The following CASK variants were observed in gnomAD, a reference collection of about 807,000 sequenced individuals.
The protein encoded by CASK is peripheral plasma membrane protein CASK.
In CASK, 4 loss-of-function variants were observed where a neutral mutation model predicts 82.9. The observed-to-expected ratio is 0.05, with a 90% confidence interval of 0.02 to 0.11. The LOEUF (loss-of-function observed/expected upper bound fraction) is 0.11. Ranked by LOEUF, CASK falls within the 10% of genes least tolerant of loss-of-function variation. CASK has a pLI of 1.00. For missense variants in CASK, 358 were observed against 720.9 expected, an observed-to-expected ratio of 0.50 and a Z score of 5.76; for synonymous variants, 259 against 253.5, an observed-to-expected ratio of 1.02 and a Z score of -0.20.
At chrX:41,628,953 G>A (rs771119674) in intron 9 of CASK, among the ~76,000 whole-genome samples, 4 of 111,830 alleles carry the variant, frequency 3.6e-5, no homozygotes, top group African/African-American at 9.7e-5. Context: ...AAGTACAACT[G>A]TATTTCTTAA....
intron 8 of CASK, among the ~76,000 whole-genome samples, chrX:41,654,893 T>C (rs748218637): frequency 1.8e-5 from 2 of 110,363 alleles, no homozygotes; most frequent in African/African-American, 3.3e-5. Context: ...GACCAACAGT[T>C]ACTTGGGGTA....
chrX:41,760,802 C>T (rs949363890), intron 3 of CASK, among the ~76,000 whole-genome samples: 22 of 111,414 alleles, frequency 2.0e-4, no homozygotes, highest in African/African-American at 7.2e-4. Flanking sequence ...TATACAAATA[C>T]CTTATGTGCA....
intron 13 of CASK, 87 bp from the exon 14 acceptor site, chrX:41,587,074 G>A: frequency 1.8e-6 from 1 of 544,435 alleles, no homozygotes; most frequent in Non-Finnish European, 3.0e-6. Context: ...AATTATGAGT[G>A]GATTTTTATG....
chrX:41,824,376 T>C (rs12007432), intron 2 of CASK, among the ~76,000 whole-genome samples: 7,491 of 111,730 alleles, frequency 0.067, 632 homozygotes, highest in African/African-American at 0.23. Context: ...CTACTGGAGA[T>C]TGACTGTGAA....
chrX:41,887,852 A>C (rs1332262243), intron 1 of CASK, among the ~76,000 whole-genome samples: 2 of 110,831 alleles, frequency 1.8e-5, no homozygotes, highest in African/African-American at 6.6e-5. Flanking sequence ...AAAAAAATCC[A>C]TCACTACCAC....
chrX:41,685,014 C>T (rs776269380), intron 5 of CASK, among the ~76,000 whole-genome samples: 2 of 111,806 alleles, frequency 1.8e-5, no homozygotes, highest in African/African-American at 6.5e-5. Flanking sequence ...AAAATGTTAA[C>T]ATAGAGAATC....
At chrX:41,563,602 T>C (rs761858006) in intron 16 of CASK, among the ~76,000 whole-genome samples, 1 of 109,650 alleles carries the variant, frequency 9.1e-6, no homozygotes, top group South Asian at 3.9e-4. Flanking sequence ...ATATTAGAAA[T>C]GAACAGGGGC....
intron 5 of CASK, among the ~76,000 whole-genome samples, chrX:41,715,372 C>T (rs767676798): frequency 8.9e-5 from 10 of 111,829 alleles, no homozygotes; most frequent in East Asian, 2.8e-4. Flanking sequence ...GTAATCCCAG[C>T]GCTTTGGGAG....
rs2070499219 is a variant in CASK, at chrX:41,820,012, C to T, written c.173-32729G>A. Among the ~76,000 whole-genome samples, 3 of 111,776 alleles carry T rather than the reference C, an allele frequency of 2.7e-5. No individual in the cohort carries two copies. The Admixed American group carries it at 2.8e-4, about 11-fold the overall frequency. ...TCCCTAAGATTATTGAATTGTATGT[C>T]CTAGCTAGGGCATCAAGGTAAGAAG... On this transcript the variant is annotated intron_variant, in intron 2 of 26. Transcript: ENST00000378163.
chrX:41,578,609 G>T, intron 14 of CASK, 81 bp from the exon 15 acceptor site: 1 of 759,606 alleles, frequency 1.3e-6, no homozygotes, highest in Non-Finnish European at 1.9e-6. Context: ...TTTATTTTGA[G>T]ACAGGGTCTC....
At chrX:41,611,628 TCTCTCC>T (rs1227419784) in intron 11 of CASK, among the ~76,000 whole-genome samples, 6 of 48,144 alleles carry the variant, frequency 1.2e-4, no homozygotes, top group African/African-American at 2.5e-4. Context: ...TCTCCCTCTC[TCTCTCC>T]CTCTCCCTCT....
At chrX:41,620,153 T>C (rs764927128) in intron 11 of CASK, among the ~76,000 whole-genome samples, 3 of 112,392 alleles carry the variant, frequency 2.7e-5, no homozygotes, top group South Asian at 7.3e-4. Context: ...ACTTTATTCA[T>C]AAATAAAACT....
intron 4 of CASK, among the ~76,000 whole-genome samples, chrX:41,739,855 T>A (rs1375090705): frequency 8.9e-6 from 1 of 112,584 alleles, no homozygotes; most frequent in East Asian, 2.8e-4. Flanking sequence ...ACTCAAGCAG[T>A]GGGAGCCTTT....
intron 2 of CASK, among the ~76,000 whole-genome samples, chrX:41,806,901 C>T (rs2070136450): frequency 9.0e-6 from 1 of 111,257 alleles, no homozygotes; most frequent in African/African-American, 3.3e-5. Flanking sequence ...AGGGTGGGAA[C>T]AGGGATAGAA....
At chrX:41,814,128 C>T (rs1182250360) in intron 2 of CASK, among the ~76,000 whole-genome samples, 4 of 112,054 alleles carry the variant, frequency 3.6e-5, no homozygotes, top group African/African-American at 1.3e-4. Flanking sequence ...AATAGGAACA[C>T]TTTTACACTG....
chrX:41,917,523 G>A (rs761455406), intron 1 of CASK, among the ~76,000 whole-genome samples: 2 of 112,019 alleles, frequency 1.8e-5, no homozygotes, highest in African/African-American at 6.5e-5. Flanking sequence ...TACAGCTGGA[G>A]ACAGAATTTT....
chrX:41,651,186 A>C (rs1381321980), intron 8 of CASK, among the ~76,000 whole-genome samples: 1 of 112,176 alleles, frequency 8.9e-6, no homozygotes, highest in Non-Finnish European at 1.9e-5. Context: ...GGTATGGTAT[A>C]ATGTTAAACC....
intron 5 of CASK, among the ~76,000 whole-genome samples, chrX:41,707,194 G>C (rs1320542537): frequency 8.9e-6 from 1 of 112,456 alleles, no homozygotes; most frequent in Admixed American, 9.4e-5. Context: ...CCAATAAAAT[G>C]TGGTAGACAT....
At position 41,622,518 on chromosome X, in the gene CASK, C is replaced by G. The variant is rs1210272420; in HGVS notation, c.1033+99G>C. The G allele has an allele frequency of 7.0e-5, 46 of 658,622 alleles. No individual in the cohort carries two copies. In the South Asian group the frequency reaches 1.5e-3, roughly 21 times the overall value. 54.3% of individuals were successfully genotyped at this position (658,622 alleles called of 1,213,427 possible). A position where few individuals can be genotyped will look rare whatever the true frequency, so the allele number is the denominator to read the frequency against. ...AAATTAATACTTAAACAACTACACACAAACAGCCAAGGAAAAAGTCAAGCT... is the reference window on the plus strand; with the variant it reads ...AAATTAATACTTAAACAACTACACAGAAACAGCCAAGGAAAAAGTCAAGCT... On this transcript the variant is annotated intron_variant, in intron 11 of 26. Transcript: ENST00000378163.
Sources: gnomAD v4.1 joint callset for allele counts (sites outside exome capture counted in the v4.1 genomes callset) on GRCh38, gnomAD v4.1.1 for gene constraint, MANE v1.5 for transcripts, NCBI Gene and HGNC (gene_info 2026-07-23, HGNC 2026-07-21) for gene names.